Variants in PLA2R1 observed in about 807,000 individuals in gnomAD.
PLA2R1 encodes phospholipase A2 receptor 1, also known as secretory phospholipase A2 receptor.
In PLA2R1, 158 loss-of-function variants were observed where a neutral mutation model predicts 195.9. The observed-to-expected ratio is 0.81, with a 90% CI of 0.71 to 0.92. The LOEUF (loss-of-function observed/expected upper bound fraction) is 0.92. Ranked by LOEUF, PLA2R1 falls within the 40% of genes least tolerant of loss-of-function variation. The probability of loss-of-function intolerance (pLI) is 0.00; values close to 1 mark genes in which losing one functional copy is unlikely to be tolerated. For missense variants in PLA2R1, 1,626 were observed against 1,764.6 expected, an observed-to-expected ratio of 0.92 and a Z score of 1.41; for synonymous variants, 586 against 598.2, an observed-to-expected ratio of 0.98 and a Z score of 0.30.
At chr2:159,980,213 T>A (rs1689854293) in intron 13 of PLA2R1, among the ~76,000 whole-genome samples, 1 of 152,170 alleles carries the variant, frequency 6.6e-6, no homozygotes, top group African/African-American at 2.4e-5. Context: ...AAGCCTCACA[T>A]TCTATTACTC....
At chr2:160,026,501 G>A (rs889303287) in intron 6 of PLA2R1, among the ~76,000 whole-genome samples, 15 of 152,156 alleles carry the variant, frequency 9.9e-5, no homozygotes, top group African/African-American at 3.6e-4. Flanking sequence ...TGGACTCCAG[G>A]TGGGGCTTTC....
rs200779806 is a variant in PLA2R1, at chr2:159,984,013, C to T, written c.2098G>A (p.Glu700Lys). The T allele has an allele frequency of 4.8e-5, 77 of 1,597,922 alleles. No individual in the cohort carries two copies. The highest frequency in any genetic ancestry group is 6.2e-5 in the Non-Finnish European group (72 of 1,165,906). ...RTWREAEAFC[E>K]EFGAHLASFA... ...CTTGCAAGATGAGCTCCAAATTCTT[C>T]GCAAAATGCTTCAGCTTCTCTCCAT... The change falls in exon 13 of 30, where the codon GAA (glutamate) becomes AAA (lysine). Residue 700 changes from glutamate (E) to lysine (K), a missense_variant. Coordinates refer to ENST00000283243, the MANE Select transcript of PLA2R1 (RefSeq NM_007366.5).
At chr2:160,050,435 T>A (rs1401336365) in intron 1 of PLA2R1, among the ~76,000 whole-genome samples, 1 of 152,122 alleles carries the variant, frequency 6.6e-6, no homozygotes, top group African/African-American at 2.4e-5. Context: ...ACTGAACCAC[T>A]CTTTCACTTT....
chr2:159,950,497 G>A (rs1461462160), intron 24 of PLA2R1, among the ~76,000 whole-genome samples: 1 of 152,204 alleles, frequency 6.6e-6, no homozygotes, highest in Non-Finnish European at 1.5e-5. Context: ...GTGAAAAACT[G>A]AGAAGAACCC....
At chr2:160,027,147 G>A (rs1056998906) in intron 6 of PLA2R1, among the ~76,000 whole-genome samples, 1 of 152,166 alleles carries the variant, frequency 6.6e-6, no homozygotes, top group African/African-American at 2.4e-5. Context: ...AGAAGAATGT[G>A]TTGAACTTGA....
At chr2:159,968,775 C>T (rs1007005160) in intron 19 of PLA2R1, among the ~76,000 whole-genome samples, 7 of 152,092 alleles carry the variant, frequency 4.6e-5, no homozygotes, top group Admixed American at 4.6e-4. Flanking sequence ...CAAACAGTTG[C>T]CATTCTAAAG....
intron 20 of PLA2R1, among the ~76,000 whole-genome samples, chr2:159,963,194 G>C (rs1688567572): frequency 6.6e-6 from 1 of 152,110 alleles, no homozygotes; most frequent in Non-Finnish European, 1.5e-5. Flanking sequence ...GGATAAACTT[G>C]TTCTAACAGT....
intron 1 of PLA2R1, among the ~76,000 whole-genome samples, chr2:160,053,041 CAG>C (rs1254226930): frequency 6.6e-6 from 1 of 152,156 alleles, no homozygotes; most frequent in Non-Finnish European, 1.5e-5. Context: ...GCTTCAATGA[CAG>C]AAATTTCTTT....
chr2:160,056,874 C>T (rs956649923), intron 1 of PLA2R1, among the ~76,000 whole-genome samples: 2 of 152,172 alleles, frequency 1.3e-5, no homozygotes, highest in Non-Finnish European at 2.9e-5. Flanking sequence ...TTTCCAGAAG[C>T]AGGGTGCCTC....
rs1408964144 is a variant in PLA2R1, at chr2:160,013,335, G to A, written c.1592C>T (p.Thr531Ile). ...AGCTTGGTCAAAGCTTCGAAGGACT[G>A]TGTCAATTTTGTAACAGAATCCACC... ...RHGGFCYKID[T>I]VLRSFDQASS... Residue 531 changes from threonine (T) to isoleucine (I), a missense_variant, in exon 10 of 30, where the codon ACA (threonine) becomes ATA (isoleucine). Coordinates refer to ENST00000283243, the MANE Select transcript of PLA2R1 (RefSeq NM_007366.5). The A allele has an allele frequency of 1.2e-6, 2 of 1,610,720 alleles. No individual in the cohort carries two copies. Among genetic ancestry groups the A allele is most frequent in the Non-Finnish European group, 1.7e-6 (2 of 1,177,144 alleles).
chr2:160,003,455 G>C (rs1691744146), intron 11 of PLA2R1, among the ~76,000 whole-genome samples: 2 of 151,930 alleles, frequency 1.3e-5, no homozygotes, highest in African/African-American at 4.8e-5. Context: ...TGAGAAAATA[G>C]AAAGTGTCCA....
intron 7 of PLA2R1, among the ~76,000 whole-genome samples, chr2:160,020,615 T>C (rs890602934): frequency 6.6e-6 from 1 of 152,054 alleles, no homozygotes; most frequent in African/African-American, 2.4e-5. Context: ...CTGGTGGCTT[T>C]ATAAGAGGAG....
In PLA2R1 at chr2:159,941,621, G is replaced by T; in HGVS notation, c.*157C>A. On this transcript the variant is annotated 3_prime_UTR_variant, in exon 30 of 30. Coordinates refer to ENST00000283243, the MANE Select transcript of PLA2R1 (RefSeq NM_007366.5). ...AATAAATCAAAACCCATCTGATTTG[G>T]TTAAGATTCAAAACCAGTAATCACT... 1 of 550,466 alleles carries T rather than the reference G, an allele frequency of 1.8e-6. No individual in the cohort carries two copies. The highest frequency in any genetic ancestry group is 3.2e-6 in the Non-Finnish European group (1 of 310,384). 34.1% of individuals were successfully genotyped at this position (550,466 alleles called of 1,614,324 possible).
intron 19 of PLA2R1, among the ~76,000 whole-genome samples, chr2:159,968,999 T>C (rs547348776): frequency 2.0e-5 from 3 of 152,308 alleles, no homozygotes; most frequent in African/African-American, 7.2e-5. Flanking sequence ...AAAGTTTCAT[T>C]GGGCCCATTT....
At chr2:160,047,540 C>T (rs1302481337) in intron 1 of PLA2R1, among the ~76,000 whole-genome samples, 1 of 152,174 alleles carries the variant, frequency 6.6e-6, no homozygotes, top group Admixed American at 6.5e-5. Context: ...TTTAAACAAT[C>T]CTGAGACACC....
chr2:159,942,688 G>T (rs1256704586), intron 28 of PLA2R1, among the ~76,000 whole-genome samples: 1 of 152,170 alleles, frequency 6.6e-6, no homozygotes, highest in Non-Finnish European at 1.5e-5. Flanking sequence ...ATGAGCAACA[G>T]CTTCTCCATC....
rs1441348233 is a variant in PLA2R1 at position 159,951,560 on chromosome 2, A to G, written c.3320T>C (p.Val1107Ala). The part of the protein sequence containing the change: ...EKMQDTSGHG[V>A]NTSDMYPMPN... ...CATTGGATACATATCAGATGTATTT[A>G]CACCGTGTCCAGAAGTATCTAGAAC... Residue 1107 changes from valine (V) to alanine (A), a missense_variant, in exon 24 of 30, where the codon GTA (valine) becomes GCA (alanine). Transcript: ENST00000283243. The G allele has an allele frequency of 1.9e-6, 3 of 1,567,968 alleles. No individual in the cohort carries two copies. Among genetic ancestry groups the G allele is most frequent in the Non-Finnish European group, 2.6e-6 (3 of 1,137,008 alleles).
intron 1 of PLA2R1, among the ~76,000 whole-genome samples, chr2:160,054,787 G>A (rs1304783329): frequency 6.6e-6 from 1 of 151,752 alleles, no homozygotes. Flanking sequence ...TTTTTGCTTT[G>A]ATCAATTCAA....
At position 160,062,313 on chromosome 2, in the gene PLA2R1, G is replaced by A; in HGVS notation, c.91C>T (p.Arg31Trp). ...EGVAAALTPE[R>W]LLEWQDKGIF... ...GACTCACCCTGCCACTCCAGGAGCCGCTCGGGGGTAAGCGCCGCCGCCACA... is the reference window on the plus strand; with the variant it reads ...GACTCACCCTGCCACTCCAGGAGCCACTCGGGGGTAAGCGCCGCCGCCACA... The change falls in exon 1 of 30, where the codon CGG becomes TGG. Residue 31 changes from arginine to tryptophan, a missense_variant. Coordinates refer to ENST00000283243, the MANE Select transcript of PLA2R1 (RefSeq NM_007366.5). The A allele has an allele frequency of 1.3e-6, 2 of 1,508,082 alleles. No individual in the cohort carries two copies. The highest frequency in any genetic ancestry group is 2.7e-5 in the East Asian group (1 of 36,716). 93.4% of individuals were successfully genotyped at this position (1,508,082 alleles called of 1,614,324 possible).
Sources: allele counts gnomAD v4.1 joint callset (sites outside exome capture counted in the v4.1 genomes callset), GRCh38; gene constraint gnomAD v4.1.1; transcripts MANE v1.5; gene names NCBI Gene and HGNC (gene_info 2026-07-23, HGNC 2026-07-21).